The following CACNA1E variants were observed in gnomAD, a reference collection of about 807,000 sequenced individuals.
CACNA1E encodes the protein voltage-dependent R-type calcium channel subunit alpha-1E.
Under a neutral mutation model 259.2 loss-of-function variants are expected in CACNA1E, and 40 were observed. The ratio of observed to expected loss-of-function variants is 0.15; its 90% confidence interval spans 0.12 to 0.20. CACNA1E has a LOEUF of 0.20. Ranked by LOEUF, CACNA1E falls within the 10% of genes least tolerant of loss-of-function variation. The pLI is 1.00. For synonymous variants in CACNA1E, 1,104 were observed against 1,138.5 expected (o/e 0.97, Z 0.61); for missense variants, 1,874 against 3,040.1 (o/e 0.62, Z 9.02).
At chr1:181,746,030 C>T (rs1657050647) in intron 25 of CACNA1E, among the ~76,000 whole-genome samples, 1 of 152,186 alleles carries the variant, frequency 6.6e-6, no homozygotes, top group African/African-American at 2.4e-5. Context: ...TTATGCACCA[C>T]TTAGCATAGA....
At chr1:181,774,853 C>T (rs1659835334) in intron 37 of CACNA1E, among the ~76,000 whole-genome samples, 2 of 152,210 alleles carry the variant, frequency 1.3e-5, no homozygotes, top group South Asian at 4.1e-4. Flanking sequence ...TGTTATCTAT[C>T]AGGCAGGACC....
chr1:181,531,608 G>A lies in CACNA1E; in HGVS notation c.512+20098G>A, dbSNP rs560198672. Among the ~76,000 whole-genome samples the A allele has an allele frequency of 1.9e-4, 29 of 152,318 alleles. 1 individual carries two copies. Among genetic ancestry groups the A allele is most frequent in the Admixed American group, 7.8e-4 (12 of 15,290 alleles). ...TCATGAGCCCAGCTTACGCCTTATCGTCCATGTTCACTCATACTTTGCCCA... is the reference window on the plus strand; with the variant it reads ...TCATGAGCCCAGCTTACGCCTTATCATCCATGTTCACTCATACTTTGCCCA... On this transcript the variant is annotated intron_variant, in intron 3 of 47. Transcript: ENST00000367573.
chr1:181,551,054 G>A (rs1648092326), intron 3 of CACNA1E, among the ~76,000 whole-genome samples: 1 of 152,176 alleles, frequency 6.6e-6, no homozygotes, highest in African/African-American at 2.4e-5. Flanking sequence ...GGACATTTAG[G>A]TTGCTAAGTG....
intron 30 of CACNA1E, among the ~76,000 whole-genome samples, 162 bp downstream of exon 30, chr1:181,757,288 G>A (rs1455123502): frequency 1.3e-5 from 2 of 152,198 alleles, no homozygotes; most frequent in Admixed American, 1.3e-4. Context: ...CATTTTCCAA[G>A]CACTGTTTAA....
intron 2 of CACNA1E, among the ~76,000 whole-genome samples, chr1:181,440,976 C>A (rs1660427177): frequency 1.0e-5 from 1 of 97,704 alleles, no homozygotes; most frequent in African/African-American, 4.1e-5. Flanking sequence ...GCGAGACGAC[C>A]TTGTTTCAAA....
At chr1:181,378,974 T>C (rs957932419) in intron 1 of CACNA1E, among the ~76,000 whole-genome samples, 6 of 152,142 alleles carry the variant, frequency 3.9e-5, no homozygotes, top group Admixed American at 1.3e-4. Context: ...AGTTAAAAAT[T>C]ACCAGGCATG....
At chr1:181,789,179 A>T (rs1014760982) in intron 43 of CACNA1E, among the ~76,000 whole-genome samples, 2 of 152,216 alleles carry the variant, frequency 1.3e-5, no homozygotes, top group African/African-American at 4.8e-5. Flanking sequence ...ACTCATTCTT[A>T]TACTAGCTGT....
intron 1 of CACNA1E, among the ~76,000 whole-genome samples, chr1:181,487,256 T>G (rs1484715226): frequency 6.6e-6 from 1 of 152,230 alleles, no homozygotes; most frequent in Non-Finnish European, 1.5e-5. Context: ...GCATTACTGG[T>G]CTTTAATCAT....
chr1:181,717,236 G>T lies in CACNA1E; in HGVS notation c.1459G>T (p.Ala487Ser), dbSNP rs1271256287. The T allele has an allele frequency of 3.1e-6, 5 of 1,613,822 alleles. No individual in the cohort carries two copies. Among genetic ancestry groups the T allele is most frequent in the Non-Finnish European group, 3.4e-6 (4 of 1,179,854 alleles). ...TTACTGGATTGTGCTGAGCCTTGTG[G>T]CACTCAACACTGCCTGTGTGGCCAT... is the stretch of plus-strand genomic sequence containing the variant. The part of the protein sequence containing the change: ...VFYWIVLSLV[A>S]LNTACVAIVH... The change falls in exon 11 of 48, where the codon GCA becomes TCA. Residue 487 changes from alanine (A) to serine (S), a missense_variant. Around this residue, in one of 14 missense-constraint regions of CACNA1E, gnomAD observed 157 missense variants for 203.5 expected, o/e 0.77. Coordinates refer to ENST00000367573, the MANE Select transcript of CACNA1E (RefSeq NM_001205293.3).
At chr1:181,613,711 C>A (rs1654959848) in intron 6 of CACNA1E, among the ~76,000 whole-genome samples, 1 of 152,166 alleles carries the variant, frequency 6.6e-6, no homozygotes. Flanking sequence ...GTAGAGTTAG[C>A]CTATTCCTTC....
chr1:181,744,029 CAGG>C (rs1656835351), intron 25 of CACNA1E, among the ~76,000 whole-genome samples: 2 of 152,242 alleles, frequency 1.3e-5, no homozygotes, highest in South Asian at 4.1e-4. Flanking sequence ...CCCTGGCACT[CAGG>C]AGATTTGGCT....
intron 3 of CACNA1E, among the ~76,000 whole-genome samples, chr1:181,551,570 A>G (rs1437738675): frequency 6.6e-6 from 1 of 152,204 alleles, no homozygotes; most frequent in East Asian, 1.9e-4. Flanking sequence ...AAATTTTGGC[A>G]GGCGCTCATG....
chr1:181,719,989 T>C, intron 13 of CACNA1E, 126 bp downstream of exon 13: 6 of 748,968 alleles, frequency 8.0e-6, no homozygotes, highest in East Asian at 2.7e-5. Context: ...CCCCACCCCT[T>C]TTCTATTCTT....
chr1:181,384,265 T>G (rs538912308), intron 1 of CACNA1E, among the ~76,000 whole-genome samples: 37 of 152,322 alleles, frequency 2.4e-4, no homozygotes, highest in African/African-American at 8.9e-4. Context: ...GGATACCTGC[T>G]GATTCACCTA....
chr1:181,647,943 C>T (rs1299992574), intron 6 of CACNA1E, among the ~76,000 whole-genome samples: 1 of 152,206 alleles, frequency 6.6e-6, no homozygotes, highest in Admixed American at 6.5e-5. Context: ...GAATAACCTA[C>T]AGGAGCTGTC....
Position 181,728,733 on chromosome 1 carries a change from A to G in CACNA1E, c.2241-2442A>G, listed in dbSNP as rs563384485. 2.2e-4 allele frequency among the ~76,000 whole-genome samples: 30 copies of G among 137,894 alleles called. 1 individual carries two copies. The highest frequency in any genetic ancestry group is 3.6e-4 in the Non-Finnish European group (23 of 63,506). 90.5% of individuals were successfully genotyped at this position (137,894 alleles called of 152,430 possible). A position where few individuals can be genotyped will look rare whatever the true frequency, so the allele number is the denominator to read the frequency against. On this transcript the variant is annotated intron_variant, in intron 18 of 47. Transcript: ENST00000367573. ...TGTGCTCTGCACAGGTATGTGTACA[A>G]TGCTCAGGTGTGTGTGCATTTTGCT...
intron 7 of CACNA1E, among the ~76,000 whole-genome samples, chr1:181,684,127 G>A (rs1650273374): frequency 6.6e-6 from 1 of 152,030 alleles, no homozygotes; most frequent in Admixed American, 6.6e-5. Flanking sequence ...CCTTTTCTCT[G>A]CAACTTTGTC....
chr1:181,660,042 C>T (rs928117044), intron 7 of CACNA1E, among the ~76,000 whole-genome samples: 67 of 152,186 alleles, frequency 4.4e-4, no homozygotes, highest in Non-Finnish European at 1.3e-4. Context: ...AATTCACACA[C>T]ACTGATGTTC....
chr1:181,405,096 A>T (rs1185723304), intron 1 of CACNA1E, among the ~76,000 whole-genome samples: 1 of 152,178 alleles, frequency 6.6e-6, no homozygotes, highest in African/African-American at 2.4e-5. Context: ...CAGAGAGGAG[A>T]TTTAATCTGC....
Sources: gnomAD v4.1 joint callset for allele counts (sites outside exome capture counted in the v4.1 genomes callset) on GRCh38, gnomAD v4.1.1 for gene constraint, gnomAD v4.1.1 regional missense constraint, MANE v1.5 for transcripts, NCBI Gene and HGNC (gene_info 2026-07-23, HGNC 2026-07-21) for gene names.